Variants in TDP1 observed in about 807,000 individuals in gnomAD.
TDP1 encodes the protein tyr-DNA phosphodiesterase 1.
A neutral mutation model predicts 81.5 loss-of-function variants in TDP1; 64 were observed. The ratio of observed to expected loss-of-function variants is 0.79; its 90% CI spans 0.64 to 0.97. TDP1 has a LOEUF of 0.97. TDP1 is among the 50% of genes least tolerant of loss of function. TDP1 has a pLI of 0.00. For missense variants in TDP1, 723 were observed against 743.8 expected (o/e 0.97, Z 0.33); for synonymous variants, 256 against 264.3 (o/e 0.97, Z 0.30).
At chr14:89,987,288 A>T (rs1895674068) in intron 10 of TDP1, among the ~76,000 whole-genome samples, 1 of 152,242 alleles carries the variant, frequency 6.6e-6, no homozygotes, top group African/African-American at 2.4e-5. Context: ...TAAGCAGGGG[A>T]CACCAGCTGG....
At chr14:90,011,155 G>A (rs930068587) in intron 14 of TDP1, among the ~76,000 whole-genome samples, 2 of 152,064 alleles carry the variant, frequency 1.3e-5, no homozygotes, top group East Asian at 1.9e-4. Flanking sequence ...CTCCTCCTTC[G>A]CCTGCTGCCA....
chr14:90,037,474 T>A (rs1320871429), intron 16 of TDP1, among the ~76,000 whole-genome samples: 10 of 152,186 alleles, frequency 6.6e-5, no homozygotes, highest in Admixed American at 2.6e-4. Context: ...TTTATTATTT[T>A]AAAAAAATAC....
At chr14:90,026,988 C>G (rs576878885) in intron 15 of TDP1, among the ~76,000 whole-genome samples, 2 of 152,266 alleles carry the variant, frequency 1.3e-5, no homozygotes, top group Admixed American at 6.5e-5. Context: ...AATGGGTTGG[C>G]TGGGTCAAAT....
rs190397530 is a variant in TDP1 at position 89,988,991 on chromosome 14, C to T, written c.1218C>T (p.Ala406=). ...GQFSSVGSLG[A]DESKWLCSEF... Reference sequence around the variant, plus strand: ...TTTCAAGCGTTGGCTCCTTGGGAGCCGATGAATCAAAGTGGTTATGTTCTG... The same window carrying T: ...TTTCAAGCGTTGGCTCCTTGGGAGCTGATGAATCAAAGTGGTTATGTTCTG... Residue 406 remains alanine (A), a synonymous_variant, in exon 11 of 17, where the codon GCC becomes GCT. Coordinates refer to ENST00000335725, the MANE Select transcript of TDP1 (RefSeq NM_018319.4). 2.0e-5 allele frequency: 32 copies of T among 1,614,100 alleles called. No individual in the cohort carries two copies. The East Asian group carries it at 4.5e-4, about 22-fold the overall frequency.
intron 15 of TDP1, among the ~76,000 whole-genome samples, 153 bp downstream of exon 15, chr14:90,019,571 C>T (rs546568593): frequency 1.3e-5 from 2 of 152,312 alleles, no homozygotes; most frequent in East Asian, 3.9e-4. Flanking sequence ...TGGTCTGTAC[C>T]TCTGAGCTTA....
chr14:90,018,337 G>A (rs1326828060), intron 14 of TDP1, among the ~76,000 whole-genome samples: 2 of 152,096 alleles, frequency 1.3e-5, no homozygotes, highest in Non-Finnish European at 2.9e-5. Context: ...TGCCACATTC[G>A]CTTATAAAAA....
rs144140803 is a variant in TDP1 at position 89,973,458 on chromosome 14, A to C, written c.756+2187A>C. 1.5e-3 allele frequency among the ~76,000 whole-genome samples: 233 copies of C among 152,348 alleles called. 2 individuals carry two copies. The highest frequency in any genetic ancestry group is 5.3e-3 in the African/African-American group (219 of 41,590). On this transcript the variant is annotated intron_variant, in intron 6 of 16. Transcript: ENST00000335725. ...GAGCCACTTCTTCCAAACCTCTTGG[A>C]AAGAGCTGTGAAGAAGCTCCCAACT...
At chr14:89,992,053 G>GTT in intron 13 of TDP1, 70 bp downstream of exon 13, 130 of 1,104,250 alleles carry the variant, frequency 1.2e-4, no homozygotes, top group South Asian at 1.4e-4. Context: ...TCACTGGTTT[G>GTT]TTTTTTTTTT....
intron 14 of TDP1, among the ~76,000 whole-genome samples, chr14:90,018,609 C>T (rs571900285): frequency 1.4e-4 from 22 of 152,234 alleles, no homozygotes; most frequent in Admixed American, 1.2e-3. Context: ...TGTAGGTTCG[C>T]GTCACCATGC....
chr14:90,033,898 T>TAA (rs901380889), intron 16 of TDP1, among the ~76,000 whole-genome samples: 1 of 151,596 alleles, frequency 6.6e-6, no homozygotes, highest in African/African-American at 2.4e-5. Flanking sequence ...AACCAGTATG[T>TAA]AAAAAAAAAT....
At chr14:90,013,283 G>C (rs1412627266) in intron 14 of TDP1, among the ~76,000 whole-genome samples, 1 of 152,148 alleles carries the variant, frequency 6.6e-6, no homozygotes, top group Non-Finnish European at 1.5e-5. Flanking sequence ...ATATGGTTTG[G>C]CTCTGTGTCC....
chr14:89,988,654 T>C, intron 10 of TDP1: 26 of 981,478 alleles, frequency 2.6e-5, no homozygotes, highest in Non-Finnish European at 3.1e-5. Context: ...TGTTTTTGCT[T>C]TTAGTACAAA....
chr14:89,967,905 C>T (rs1001876384), intron 5 of TDP1, among the ~76,000 whole-genome samples: 19 of 152,278 alleles, frequency 1.2e-4, no homozygotes, highest in African/African-American at 4.6e-4. Flanking sequence ...CTTCTGCCTG[C>T]ACTTCATCAG....
At chr14:89,959,891 A>G (rs184661304) in intron 2 of TDP1, among the ~76,000 whole-genome samples, 4 of 152,328 alleles carry the variant, frequency 2.6e-5, no homozygotes, top group Admixed American at 2.6e-4. Flanking sequence ...TATATAATGC[A>G]GGCAACCATA....
chr14:90,039,649 C>T (rs965272746), intron 16 of TDP1, among the ~76,000 whole-genome samples: 2 of 149,454 alleles, frequency 1.3e-5, no homozygotes, highest in African/African-American at 5.0e-5. Context: ...GGATTTTGTA[C>T]GTCACTTGGA....
At chr14:89,965,305 G>A (rs899000819) in intron 3 of TDP1, among the ~76,000 whole-genome samples, 1 of 152,082 alleles carries the variant, frequency 6.6e-6, no homozygotes, top group Non-Finnish European at 1.5e-5. Flanking sequence ...GGGTATGAGC[G>A]AAGGTGCTGG....
intron 12 of TDP1, 61 bp from the exon 13 acceptor site, chr14:89,991,856 T>C: frequency 2.0e-6 from 3 of 1,507,682 alleles, no homozygotes; most frequent in Non-Finnish European, 2.7e-6. Flanking sequence ...GATTTTCCTC[T>C]TAATGAGGGA....
chr14:89,963,010 G>T, intron 2 of TDP1, 98 bp from the exon 3 acceptor site: 5 of 1,589,702 alleles, frequency 3.1e-6, no homozygotes, highest in Non-Finnish European at 4.3e-6. Flanking sequence ...CCTCTGGAAG[G>T]TGTCAGCTCA....
At chr14:89,991,143 C>T (rs1176491920) in intron 12 of TDP1, among the ~76,000 whole-genome samples, 4 of 152,058 alleles carry the variant, frequency 2.6e-5, no homozygotes, top group African/African-American at 9.7e-5. Flanking sequence ...CCCCAAGTCC[C>T]ACGGTCTTGG....
Sources: allele counts gnomAD v4.1 joint callset (sites outside exome capture counted in the v4.1 genomes callset), GRCh38; gene constraint gnomAD v4.1.1; transcripts MANE v1.5; gene names NCBI Gene and HGNC (gene_info 2026-07-23, HGNC 2026-07-21).